Variants in CRACD observed in about 807,000 individuals in gnomAD.
CRACD encodes capping protein-inhibiting regulator of actin dynamics.
In CRACD, 56 loss-of-function variants were observed where a neutral mutation model predicts 106.8. The observed-to-expected ratio is 0.52, with a 90% CI of 0.42 to 0.66. The LOEUF is 0.66. Ranked by LOEUF, CRACD falls within the 30% of genes least tolerant of loss-of-function variation. The probability of loss-of-function intolerance (pLI) is 0.00; values close to 1 mark genes in which losing one functional copy is unlikely to be tolerated. For synonymous variants in CRACD, 754 were observed against 670.8 expected (o/e 1.12, Z -1.92); for missense variants, 1,730 against 1,623.2 (o/e 1.07, Z -1.13).
intron 2 of CRACD, among the ~76,000 whole-genome samples, chr4:56,271,364 T>G (rs1342170786): frequency 6.6e-6 from 1 of 152,106 alleles, no homozygotes; most frequent in Non-Finnish European, 1.5e-5. Flanking sequence ...AAGTAATATA[T>G]GGGAAGATGT....
At chr4:56,322,247 T>A (rs1473580542) in intron 8 of CRACD, among the ~76,000 whole-genome samples, 1 of 152,240 alleles carries the variant, frequency 6.6e-6, no homozygotes, top group African/African-American at 2.4e-5. Flanking sequence ...TCCCAGGATC[T>A]CTTTTAATTT....
At chr4:56,167,276 C>G (rs939116190) in intron 1 of CRACD, among the ~76,000 whole-genome samples, 11 of 152,058 alleles carry the variant, frequency 7.2e-5, no homozygotes, top group African/African-American at 2.7e-4. Flanking sequence ...TACTGATATG[C>G]AACAGATCTC....
chr4:56,290,937 C>T (rs182154093), intron 3 of CRACD, among the ~76,000 whole-genome samples: 11 of 152,290 alleles, frequency 7.2e-5, no homozygotes, highest in African/African-American at 2.4e-4. Flanking sequence ...GCCTTTCTTC[C>T]TGTCTTTGTA....
At chr4:56,183,351 C>T (rs189689425) in intron 2 of CRACD, among the ~76,000 whole-genome samples, 1 of 151,430 alleles carries the variant, frequency 6.6e-6, no homozygotes, top group East Asian at 1.9e-4. Flanking sequence ...TTAAAGATTC[C>T]CTCTAAACGT....
rs367553040 is a variant in CRACD, at chr4:56,315,302, C to T, written c.1800C>T (p.Gly600=). 5.6e-6 allele frequency: 9 copies of T among 1,613,674 alleles called. No individual in the cohort carries two copies. The highest frequency in any genetic ancestry group is 1.7e-5 in the Admixed American group (1 of 59,982). ...CCCACACCGCCATTCTGGTCACGGG[C>T]GCGCAGCTCTGTGGCCCGGCAGTCA... The part of the protein sequence containing the change: ...SVPHTAILVT[G]AQLCGPAVNL... The change falls in exon 8 of 11, where the codon GGC becomes GGT. Residue 600 remains glycine (G), a synonymous_variant. Transcript: ENST00000682029. The surrounding 1 kb of genome is among the most constrained non-coding windows in gnomAD (Gnocchi z 4.1).
At chr4:56,211,631 G>A (rs1000743600) in intron 2 of CRACD, among the ~76,000 whole-genome samples, 3 of 152,220 alleles carry the variant, frequency 2.0e-5, no homozygotes, top group Non-Finnish European at 4.4e-5. Flanking sequence ...ACCCATGGTC[G>A]GGTGGTTTCT....
At chr4:56,262,967 T>A (rs1741795265) in intron 2 of CRACD, among the ~76,000 whole-genome samples, 1 of 152,118 alleles carries the variant, frequency 6.6e-6, no homozygotes, top group African/African-American at 2.4e-5. Flanking sequence ...GAATGGTAGG[T>A]CTATGTTGTT....
At chr4:56,303,879 C>T (rs775694336) in intron 4 of CRACD, among the ~76,000 whole-genome samples, 81 of 152,352 alleles carry the variant, frequency 5.3e-4, no homozygotes, top group South Asian at 1.0e-3. Context: ...CTCTTCGTCA[C>T]AGCCACCATT....
At position 56,138,070 on chromosome 4, in the gene CRACD, A is replaced by AC. The variant is rs66879126; in HGVS notation, c.-335-41207dup. 9.8e-3 allele frequency among the ~76,000 whole-genome samples: 1,475 copies of AC among 151,240 alleles called. 34 individuals carry two copies. The highest frequency in any genetic ancestry group is 0.034 in the African/African-American group (1,408 of 41,144). The stretch of plus-strand genomic sequence containing the variant: ...GCTAGTGTAAAAGTGACATTGACCA[A>AC]CCCCCCCACCCACTCTCCTACCTTG... On this transcript the variant is annotated intron_variant, in intron 1 of 10. Transcript: ENST00000682029.
At chr4:56,077,268 A>T (rs564485778) in intron 1 of CRACD, among the ~76,000 whole-genome samples, 1 of 152,322 alleles carries the variant, frequency 6.6e-6, no homozygotes, top group South Asian at 2.1e-4. Flanking sequence ...GGGAAGTGCC[A>T]GATGCTTATA....
At position 56,225,005 on chromosome 4, in the gene CRACD, G is replaced by A. The variant is rs150252958; in HGVS notation, c.-189+45575G>A. On this transcript the variant is annotated intron_variant, in intron 2 of 10. Coordinates refer to ENST00000682029, the MANE Select transcript of CRACD (RefSeq NM_001393381.1). ...CCCATGTGCCCTTCAGTGTCCACCT[G>A]AAGTCTTCACTCTTTGGTCTCCACA... is the stretch of plus-strand genomic sequence containing the variant. Among the ~76,000 whole-genome samples, 58 of 152,320 alleles carry A rather than the reference G, an allele frequency of 3.8e-4. No homozygotes were observed. In the East Asian group the frequency reaches 9.8e-3, roughly 26 times the overall value.
At chr4:56,310,342 C>CATGTA (rs1745058497) in intron 5 of CRACD, among the ~76,000 whole-genome samples, 1 of 152,186 alleles carries the variant, frequency 6.6e-6, no homozygotes, top group Non-Finnish European at 1.5e-5. Context: ...AGACACAGCC[C>CATGTA]TGCACCCCAG....
chr4:56,308,416 C>A (rs1744897323), intron 5 of CRACD, among the ~76,000 whole-genome samples: 1 of 151,868 alleles, frequency 6.6e-6, no homozygotes, highest in African/African-American at 2.4e-5. Context: ...GGAGCAAAGT[C>A]CAACCAGTAG....
At chr4:56,152,742 G>A (rs1311835853) in intron 1 of CRACD, among the ~76,000 whole-genome samples, 1 of 151,750 alleles carries the variant, frequency 6.6e-6, no homozygotes, top group Non-Finnish European at 1.5e-5. Flanking sequence ...CCAGTGAGAG[G>A]CACTTCAAGC....
intron 8 of CRACD, 96 bp downstream of exon 8, chr4:56,316,785 C>T: frequency 6.5e-6 from 9 of 1,391,070 alleles, no homozygotes; most frequent in Non-Finnish European, 7.7e-6. Flanking sequence ...GAATAATTTA[C>T]CAACAATACA....
chr4:56,316,081 G>T lies in CRACD; in HGVS notation c.2579G>T (p.Cys860Phe). 1 of 1,614,188 alleles carries T rather than the reference G, an allele frequency of 6.2e-7. No individual in the cohort carries two copies. Among genetic ancestry groups the T allele is most frequent in the Admixed American group, 1.7e-5 (1 of 60,034 alleles). ...RRTNYSLRFN[C>F]DQQAEQKKKK... ...ACCAACTATTCCTTGCGCTTCAACTGCGACCAACAGGCAGAACAGAAGAAG... is the reference window on the plus strand; with the variant it reads ...ACCAACTATTCCTTGCGCTTCAACTTCGACCAACAGGCAGAACAGAAGAAG... Residue 860 changes from cysteine to phenylalanine, a missense_variant, in exon 8 of 11, where the codon TGC (cysteine) becomes TTC (phenylalanine). This residue lies in a region of CRACD where 1,620 missense variants were observed against 1,481.6 expected (regional missense o/e 1.09). Coordinates refer to ENST00000682029, the MANE Select transcript of CRACD (RefSeq NM_001393381.1).
chr4:56,273,337 C>T (rs111887147), intron 3 of CRACD, among the ~76,000 whole-genome samples: 43 of 151,332 alleles, frequency 2.8e-4, no homozygotes, highest in African/African-American at 1.0e-3. Flanking sequence ...TCCTTCCTCC[C>T]TCCCTACGTC....
intron 6 of CRACD, chr4:56,311,375 G>A (rs535147268): frequency 1.3e-5 from 2 of 152,300 alleles, no homozygotes; most frequent in Non-Finnish European, 2.9e-5. Context: ...GCTCAAGACA[G>A]TGCTGCCGCC....
intron 4 of CRACD, among the ~76,000 whole-genome samples, chr4:56,303,749 G>A (rs936517632): frequency 6.6e-6 from 1 of 152,236 alleles, no homozygotes; most frequent in African/African-American, 2.4e-5. Context: ...CCTGAGGACT[G>A]AGCACCATGC....
Sources: gnomAD v4.1 joint callset for allele counts (sites outside exome capture counted in the v4.1 genomes callset) on GRCh38, gnomAD v4.1.1 for gene constraint, gnomAD v4.1.1 regional missense constraint, Gnocchi (gnomAD v3.1) non-coding constraint, MANE v1.5 for transcripts, NCBI Gene and HGNC (gene_info 2026-07-23, HGNC 2026-07-21) for gene names.